MPPED1: variants seen among roughly 807,000 people sequenced by gnomAD.
MPPED1 encodes metallophosphoesterase domain containing 1.
A neutral mutation model predicts 36.2 loss-of-function variants in MPPED1; 16 were observed. The observed-to-expected ratio is 0.44, with a 90% confidence interval of 0.30 to 0.67. The LOEUF (loss-of-function observed/expected upper bound fraction) is 0.67, where lower values mean the gene tolerates loss of function less well. Ranked by LOEUF, MPPED1 falls within the 30% of genes least tolerant of loss-of-function variation. MPPED1 has a pLI of 0.10. For missense variants in MPPED1, 307 were observed against 453.4 expected (o/e 0.68, Z 2.93); for synonymous variants, 199 against 191.3 (o/e 1.04, Z -0.33).
At chr22:43,450,629 A>G (rs5996340) in intron 3 of MPPED1, among the ~76,000 whole-genome samples, 2,384 of 152,334 alleles carry the variant, frequency 0.016, 67 homozygotes, top group African/African-American at 0.055. Context: ...GGGTAAATGC[A>G]TAACACAGGC....
chr22:43,454,035 G>A (rs1200326013), intron 3 of MPPED1, among the ~76,000 whole-genome samples: 1 of 152,016 alleles, frequency 6.6e-6, no homozygotes, highest in Non-Finnish European at 1.5e-5. Flanking sequence ...TTGAGACAGA[G>A]TTTCGCTCTG....
Position 43,441,274 on chromosome 22 carries a change from C to T in MPPED1, c.406+6059C>T, listed in dbSNP as rs561671641. Among the ~76,000 whole-genome samples the T allele has an allele frequency of 1.3e-4, 20 of 152,324 alleles. No individual in the cohort carries two copies. In the East Asian group the frequency reaches 3.5e-3, roughly 26 times the overall value. On this transcript the variant is annotated intron_variant, in intron 3 of 6. Coordinates refer to ENST00000443721, the MANE Select transcript of MPPED1 (RefSeq NM_001044370.2). The stretch of plus-strand genomic sequence containing the variant: ...AGGGCTCCTATGTCCCCTCTCCTTT[C>T]CCTTTGAGGCTGACGTCTGCAATCA...
intron 5 of MPPED1, among the ~76,000 whole-genome samples, chr22:43,501,226 C>T (rs1253182529): frequency 6.6e-6 from 1 of 152,174 alleles, no homozygotes; most frequent in Non-Finnish European, 1.5e-5. Flanking sequence ...GGACGGTTCC[C>T]GTCAACATTC....
At chr22:43,439,409 C>T (rs1375144052) in intron 3 of MPPED1, among the ~76,000 whole-genome samples, 2 of 152,238 alleles carry the variant, frequency 1.3e-5, no homozygotes, top group Non-Finnish European at 2.9e-5. Flanking sequence ...CTGAAAATGG[C>T]AAAGAATGTG....
At chr22:43,498,120 C>A in intron 4 of MPPED1, 115 bp from the exon 5 acceptor site, 1 of 723,100 alleles carries the variant, frequency 1.4e-6, no homozygotes, top group South Asian at 1.9e-5. Flanking sequence ...TTCCCTGGGT[C>A]TCCAGGTAGC....
chr22:43,502,720 C>T lies in MPPED1; in HGVS notation c.825C>T (p.Val275=). ...TGCTCAACACGGTGCAGAGGCGCGTCCAGCCGCGGTTACATGTCTTTGGCC... is the reference window on the plus strand; with the variant it reads ...TGCTCAACACGGTGCAGAGGCGCGTTCAGCCGCGGTTACATGTCTTTGGCC... ...VELLNTVQRR[V]QPRLHVFGHI... is the part of the protein sequence containing the mutation. Residue 275 remains valine (V), a synonymous_variant, in exon 6 of 7, where the codon GTC becomes GTT. Coordinates refer to ENST00000443721, the MANE Select transcript of MPPED1 (RefSeq NM_001044370.2). The surrounding 1 kb of genome is among the most constrained non-coding windows in gnomAD (Gnocchi z 5.5). 1 of 1,613,256 alleles carries T rather than the reference C, an allele frequency of 6.2e-7. No homozygotes were observed. Among genetic ancestry groups the T allele is most frequent in the Non-Finnish European group, 8.5e-7 (1 of 1,179,850 alleles).
intron 4 of MPPED1, among the ~76,000 whole-genome samples, chr22:43,480,108 C>T (rs1412259486): frequency 6.6e-6 from 1 of 152,180 alleles, no homozygotes; most frequent in Admixed American, 6.5e-5. Flanking sequence ...AAGCAGTCCT[C>T]AGTGGGTTAG....
At chr22:43,480,826 C>CTTTTTTT (rs538718282) in intron 4 of MPPED1, among the ~76,000 whole-genome samples, 4 of 137,904 alleles carry the variant, frequency 2.9e-5, no homozygotes, top group African/African-American at 8.0e-5. Context: ...CTTTTCTTTT[C>CTTTTTTT]TTTTTTTTTT....
intron 5 of MPPED1, among the ~76,000 whole-genome samples, chr22:43,500,474 G>A (rs538154044): frequency 2.6e-5 from 4 of 151,810 alleles, no homozygotes; most frequent in Admixed American, 2.0e-4. Context: ...TGGTGGAGGC[G>A]AAGGTCTTGC....
At chr22:43,463,835 CTTTCTTTCT>C (rs1192356126) in intron 3 of MPPED1, among the ~76,000 whole-genome samples, 1 of 120,856 alleles carries the variant, frequency 8.3e-6, no homozygotes, top group African/African-American at 3.3e-5. Flanking sequence ...TTCTTTCTTT[CTTTCTTTCT>C]TTCTTTCTTT....
chr22:43,421,921 A>T (rs1166642487), intron 1 of MPPED1, among the ~76,000 whole-genome samples: 1 of 152,212 alleles, frequency 6.6e-6, no homozygotes, highest in Non-Finnish European at 1.5e-5. Flanking sequence ...CAAGGTAGGG[A>T]CTGTTTTTCT....
chr22:43,418,638 C>T (rs1045811204), intron 1 of MPPED1: 3 of 162,652 alleles, frequency 1.8e-5, no homozygotes, highest in Admixed American at 5.8e-5. Context: ...GCTGGTTCGC[C>T]GGGTCTGAGC....
chr22:43,459,684 A>G (rs555756787), intron 3 of MPPED1, among the ~76,000 whole-genome samples: 1 of 152,256 alleles, frequency 6.6e-6, no homozygotes, highest in East Asian at 1.9e-4. Flanking sequence ...TTATAGTTAT[A>G]TCTCCTTATT....
chr22:43,424,436 C>T (rs1226498262), intron 1 of MPPED1, among the ~76,000 whole-genome samples: 4 of 152,026 alleles, frequency 2.6e-5, no homozygotes, highest in Non-Finnish European at 5.9e-5. Flanking sequence ...GGGCGTGGGG[C>T]CATGTGGGTG....
At chr22:43,451,461 TAAG>T (rs948458753) in intron 3 of MPPED1, among the ~76,000 whole-genome samples, 5 of 152,222 alleles carry the variant, frequency 3.3e-5, no homozygotes, top group East Asian at 1.9e-4. Flanking sequence ...TGATCTCTCT[TAAG>T]AAGAAGGATT....
At chr22:43,482,026 G>A (rs1404555649) in intron 4 of MPPED1, among the ~76,000 whole-genome samples, 2 of 152,206 alleles carry the variant, frequency 1.3e-5, no homozygotes, top group Non-Finnish European at 2.9e-5. Flanking sequence ...ACCCTCAGGT[G>A]CAGCCGGTGT....
chr22:43,437,179 A>G (rs1034096206), intron 3 of MPPED1, among the ~76,000 whole-genome samples: 19 of 152,258 alleles, frequency 1.2e-4, no homozygotes, highest in African/African-American at 4.6e-4. Flanking sequence ...AAAGCGAGAC[A>G]CCTTGGTTGG....
At chr22:43,499,629 A>G (rs867692542) in intron 5 of MPPED1, among the ~76,000 whole-genome samples, 75 of 8,126 alleles carry the variant, frequency 9.2e-3, no homozygotes, top group Non-Finnish European at 9.8e-3. Context: ...GGTGGTGATG[A>G]TGGTGGAGGT....
At position 43,505,666 on chromosome 22, in the gene MPPED1, T is replaced by C. The variant is rs1261995933; in HGVS notation, c.*50T>C. 4 of 1,502,478 alleles carry C rather than the reference T, an allele frequency of 2.7e-6. No individual in the cohort carries two copies. Among genetic ancestry groups the C allele is most frequent in the Non-Finnish European group, 3.6e-6 (4 of 1,100,472 alleles). The allele number at this position is 1,502,478 out of a possible 1,614,324, so 93.1% of individuals were successfully genotyped here. On this transcript the variant is annotated 3_prime_UTR_variant, in exon 7 of 7. Coordinates refer to ENST00000443721, the MANE Select transcript of MPPED1 (RefSeq NM_001044370.2). Reference sequence around the variant, plus strand: ...CCCGCCCGTGTCAGCTCCACAGGCCTGGCCCGGCCACTGTTCCTTCCATGC... The same window carrying C: ...CCCGCCCGTGTCAGCTCCACAGGCCCGGCCCGGCCACTGTTCCTTCCATGC...
Sources: gnomAD v4.1 joint callset for allele counts (sites outside exome capture counted in the v4.1 genomes callset) on GRCh38, gnomAD v4.1.1 for gene constraint, Gnocchi (gnomAD v3.1) non-coding constraint, MANE v1.5 for transcripts, NCBI Gene and HGNC (gene_info 2026-07-23, HGNC 2026-07-21) for gene names.